The following LSAMP variants were observed in gnomAD, a reference collection of about 807,000 sequenced individuals.
LSAMP encodes the protein limbic system-associated membrane protein.
LSAMP carries 7 observed loss-of-function variants against 38.6 expected under a neutral mutation model. The observed-to-expected ratio is 0.18, with a 90% CI of 0.10 to 0.34. The LOEUF (loss-of-function observed/expected upper bound fraction) is 0.34. Among genes scored for constraint, LSAMP ranks in the 10% least tolerant of loss-of-function variants. LSAMP has a pLI of 1.00. For synonymous variants in LSAMP, 154 were observed against 166.8 expected, an observed-to-expected ratio of 0.92 and a Z score of 0.59; for missense variants, 313 against 420.0, an observed-to-expected ratio of 0.75 and a Z score of 2.23.
intron 1 of LSAMP, among the ~76,000 whole-genome samples, chr3:116,277,071 T>C (rs978011731): frequency 2.6e-5 from 4 of 152,168 alleles, no homozygotes; most frequent in African/African-American, 4.8e-5. Flanking sequence ...ACTCAGTCCA[T>C]GCATCAATGG....
chr3:116,044,801 A>G (rs1011621318), intron 2 of LSAMP, among the ~76,000 whole-genome samples: 2 of 151,468 alleles, frequency 1.3e-5, no homozygotes, highest in African/African-American at 2.4e-5. Context: ...TGTGTTTGTA[A>G]GAAGGAGAGG....
At chr3:116,113,074 G>A (rs1180408550) in intron 1 of LSAMP, among the ~76,000 whole-genome samples, 1 of 151,820 alleles carries the variant, frequency 6.6e-6, no homozygotes, top group Non-Finnish European at 1.5e-5. Flanking sequence ...CAGAGAGAAG[G>A]ATGCATACAC....
At chr3:116,398,328 G>A (rs1275766700) in intron 1 of LSAMP, among the ~76,000 whole-genome samples, 1 of 152,120 alleles carries the variant, frequency 6.6e-6, no homozygotes, top group Non-Finnish European at 1.5e-5. Context: ...GTTGAGAAAA[G>A]GAGAAATGAA....
At position 116,203,399 on chromosome 3, in the gene LSAMP, TTTTTA is replaced by T. The variant is rs556911745; in HGVS notation, c.156-116848_156-116844del. Among the ~76,000 whole-genome samples the T allele has an allele frequency of 3.4e-3, 513 of 152,110 alleles. 3 individuals carry two copies. The highest frequency in any genetic ancestry group is 0.012 in the African/African-American group (482 of 41,510). On this transcript the variant is annotated intron_variant, in intron 1 of 6. Transcript: ENST00000490035. The stretch of plus-strand genomic sequence containing the variant: ...CTCAAATTTCTTTTTATTTATTTAT[TTTTTA>T]TTTTTTTATTATACTTTAAGTTTTA...
intron 1 of LSAMP, among the ~76,000 whole-genome samples, chr3:116,416,633 C>A (rs995434213): frequency 1.3e-5 from 2 of 152,092 alleles, no homozygotes; most frequent in African/African-American, 4.8e-5. Context: ...CCTGACCATC[C>A]TTCAAGGCCA....
chr3:115,903,714 T>A (rs1200407124), intron 3 of LSAMP, among the ~76,000 whole-genome samples: 1 of 152,140 alleles, frequency 6.6e-6, no homozygotes, highest in Non-Finnish European at 1.5e-5. Flanking sequence ...AAAATGTATC[T>A]CTAAAAGGAA....
chr3:115,819,743 A>G (rs1239066007), intron 6 of LSAMP, among the ~76,000 whole-genome samples: 1 of 152,238 alleles, frequency 6.6e-6, no homozygotes, highest in East Asian at 1.9e-4. Flanking sequence ...TTAAATGTTA[A>G]GTACTCCTCC....
At chr3:115,924,148 G>GT (rs1937446230) in intron 3 of LSAMP, among the ~76,000 whole-genome samples, 1 of 152,188 alleles carries the variant, frequency 6.6e-6, no homozygotes, top group South Asian at 2.1e-4. Context: ...TAGTTTGTTT[G>GT]TTTTTTCTAA....
At chr3:116,120,764 T>C (rs1316663616) in intron 1 of LSAMP, among the ~76,000 whole-genome samples, 1 of 152,184 alleles carries the variant, frequency 6.6e-6, no homozygotes, top group East Asian at 1.9e-4. Context: ...AATAAATACA[T>C]GCAAAGTTTG....
At chr3:115,938,898 A>G (rs181454674) in intron 3 of LSAMP, among the ~76,000 whole-genome samples, 71 of 152,284 alleles carry the variant, frequency 4.7e-4, no homozygotes, top group Middle Eastern at 3.4e-3. Context: ...ACTATGCCTA[A>G]TTTTTTGTTG....
At position 115,852,654 on chromosome 3, in the gene LSAMP, TCTGAAATAGGC is replaced by T. The variant is rs774550422; in HGVS notation, c.515-48_515-38del. On this transcript the variant is annotated intron_variant, in intron 3 of 6. Coordinates refer to ENST00000490035, the MANE Select transcript of LSAMP (RefSeq NM_002338.5). ...AGGTTTTCATGATTCTTTTTTAAAG[TCTGAAATAGGC>T]AGTAGATCCTCTCATTATTCTTTTT... 3 of 1,587,694 alleles carry T rather than the reference TCTGAAATAGGC, an allele frequency of 1.9e-6. No individual in the cohort carries two copies. In the East Asian group the frequency reaches 6.8e-5, roughly 36 times the overall value.
intron 3 of LSAMP, among the ~76,000 whole-genome samples, chr3:115,982,706 C>T (rs542034828): frequency 1.1e-4 from 16 of 152,238 alleles, no homozygotes; most frequent in African/African-American, 3.1e-4. Context: ...CCAGCCTCTC[C>T]AGTTACCAGT....
chr3:116,017,047 G>T (rs1002301991), intron 3 of LSAMP, among the ~76,000 whole-genome samples: 2 of 151,976 alleles, frequency 1.3e-5, no homozygotes, highest in African/African-American at 2.4e-5. Flanking sequence ...CTGGTCTTTT[G>T]TTGACTTGAA....
intron 3 of LSAMP, among the ~76,000 whole-genome samples, chr3:115,960,388 GC>G (rs1273016224): frequency 6.6e-6 from 1 of 152,164 alleles, no homozygotes; most frequent in South Asian, 2.1e-4. Context: ...TGTCATGTCA[GC>G]CTTGGAGATT....
At chr3:116,285,672 A>T (rs1264624584) in intron 1 of LSAMP, among the ~76,000 whole-genome samples, 1 of 152,204 alleles carries the variant, frequency 6.6e-6, no homozygotes, top group African/African-American at 2.4e-5. Flanking sequence ...TCATGAAAAT[A>T]GTTACTTTGC....
intron 1 of LSAMP, among the ~76,000 whole-genome samples, chr3:116,347,434 G>A (rs867053732): frequency 6.6e-6 from 1 of 152,166 alleles, no homozygotes; most frequent in Non-Finnish European, 1.5e-5. Flanking sequence ...GCAACTTAAT[G>A]TGTGTATAGA....
At chr3:116,080,923 A>G (rs893261206) in intron 2 of LSAMP, among the ~76,000 whole-genome samples, 64 of 152,348 alleles carry the variant, frequency 4.2e-4, no homozygotes, top group African/African-American at 1.3e-3. Context: ...GGCAATGTAT[A>G]ATTGTTGAAA....
rs1248642779 is a variant in LSAMP at position 115,909,732 on chromosome 3, T to C, written c.515-57115A>G. Among the ~76,000 whole-genome samples the C allele has an allele frequency of 4.6e-5, 7 of 152,218 alleles. No individual in the cohort carries two copies. The South Asian group carries it at 1.2e-3, about 27-fold the overall frequency. On this transcript the variant is annotated intron_variant, in intron 3 of 6. Transcript: ENST00000490035. The stretch of plus-strand genomic sequence containing the variant: ...TGCCACAAAGATAAAGCTTGACGTG[T>C]TGCAAATTAAAGAGATAATATAATC...
chr3:115,905,342 T>C (rs989044966), intron 3 of LSAMP, among the ~76,000 whole-genome samples: 3 of 152,064 alleles, frequency 2.0e-5, no homozygotes, highest in African/African-American at 4.8e-5. Flanking sequence ...TAATATGAGA[T>C]ACCGATGATA....
Sources: gnomAD v4.1 joint callset for allele counts (sites outside exome capture counted in the v4.1 genomes callset) on GRCh38, gnomAD v4.1.1 for gene constraint, MANE v1.5 for transcripts, NCBI Gene and HGNC (gene_info 2026-07-23, HGNC 2026-07-21) for gene names.